Variants in HSPA4 observed in about 807,000 individuals in gnomAD.
HSPA4 encodes heat shock protein family A (Hsp70) member 4.
Under a neutral mutation model 106.2 loss-of-function variants are expected in HSPA4, and 25 were observed. The observed-to-expected ratio is 0.24, with a 90% CI of 0.17 to 0.33. The LOEUF is 0.33. Ranked by LOEUF, HSPA4 falls within the 10% of genes least tolerant of loss-of-function variation. The pLI is 1.00. For synonymous variants in HSPA4, 332 were observed against 333.6 expected (o/e 1.00, Z 0.05); for missense variants, 841 against 996.0 (o/e 0.84, Z 2.10).
In HSPA4 at chr5:133,065,010, T is replaced by G. The variant is rs1765290268; in HGVS notation, c.138T>G (p.Arg46=). 6.2e-7 allele frequency: 1 copy of G among 1,614,000 alleles called. No homozygotes were observed. Among genetic ancestry groups the G allele is most frequent in the Non-Finnish European group, 8.5e-7 (1 of 1,179,984 alleles). ...GCATTTCTTTTGGTCCTAAGAATCG[T>G]TCAATTGGAGCAGCAGCTAAAAGCC... ...PACISFGPKN[R]SIGAAAKSQV... The change falls in exon 2 of 19, where the codon CGT becomes CGG. Residue 46 remains arginine (R), a synonymous_variant. Transcript: ENST00000304858.
chr5:133,073,129 T>C, intron 4 of HSPA4, 101 bp from the exon 5 acceptor site: 2 of 673,420 alleles, frequency 3.0e-6, no homozygotes, highest in East Asian at 5.4e-5. Flanking sequence ...TTCTTGATCA[T>C]ATACAGAATA....
intron 16 of HSPA4, among the ~76,000 whole-genome samples, chr5:133,099,954 G>A (rs1278338447): frequency 6.6e-6 from 1 of 152,192 alleles, no homozygotes; most frequent in African/African-American, 2.4e-5. Flanking sequence ...AAAGGCACAG[G>A]GAATGCAGCT....
intron 15 of HSPA4, among the ~76,000 whole-genome samples, chr5:133,098,008 C>T (rs1383886906): frequency 1.3e-5 from 2 of 151,368 alleles, no homozygotes; most frequent in Non-Finnish European, 2.9e-5. Context: ...TTTTGGTGCA[C>T]CTGTCATCCA....
At position 133,081,151 on chromosome 5, in the gene HSPA4, G is replaced by T. The variant is rs1390177926; in HGVS notation, c.908+4253G>T. Reference sequence around the variant, plus strand: ...CAACCTCCACCTCCCGGGTTTAAATGATTCTCATGCCTCAGCCTCCTCAGT... The same window carrying T: ...CAACCTCCACCTCCCGGGTTTAAATTATTCTCATGCCTCAGCCTCCTCAGT... On this transcript the variant is annotated intron_variant, in intron 7 of 18. Transcript: ENST00000304858. Among the ~76,000 whole-genome samples the T allele has an allele frequency of 2.6e-5, 4 of 151,974 alleles. No homozygotes were observed. In the East Asian group the frequency reaches 7.7e-4, roughly 29 times the overall value.
rs367759655 is a variant in HSPA4, at chr5:133,103,854, C to T, written c.2158-11C>T. 333 of 1,610,022 alleles carry T rather than the reference C, an allele frequency of 2.1e-4. 2 individuals carry two copies. Among genetic ancestry groups the T allele is most frequent in the Middle Eastern group, 3.3e-4 (2 of 6,046 alleles). On this transcript the variant is annotated splice_polypyrimidine_tract_variant and intron_variant, in intron 17 of 18. Coordinates refer to ENST00000304858, the MANE Select transcript of HSPA4 (RefSeq NM_002154.4). ...ACTTTTAGCACTTGTTTGACTGTCT[C>T]CTGGTTGCAGGAGGACCAGTATGAT...
intron 7 of HSPA4, among the ~76,000 whole-genome samples, chr5:133,077,119 C>CA (rs1370167950): frequency 3.3e-5 from 5 of 152,144 alleles, no homozygotes; most frequent in African/African-American, 1.2e-4. Context: ...AATATTCCAA[C>CA]ATGTTGATAG....
intron 4 of HSPA4, among the ~76,000 whole-genome samples, chr5:133,071,792 G>A (rs1180436062): frequency 6.6e-6 from 1 of 152,146 alleles, no homozygotes; most frequent in East Asian, 1.9e-4. Context: ...AGAAAGAATT[G>A]GATTATAGTT....
At chr5:133,078,185 A>G (rs1765468530) in intron 7 of HSPA4, among the ~76,000 whole-genome samples, 1 of 151,960 alleles carries the variant, frequency 6.6e-6, no homozygotes, top group Non-Finnish European at 1.5e-5. Flanking sequence ...ACAAGAAATT[A>G]GCCGGGTATG....
rs1201059031 is a variant in HSPA4 at position 133,099,745 on chromosome 5, G to C, written c.2037+93G>C. 19 of 564,654 alleles carry C rather than the reference G, an allele frequency of 3.4e-5. No homozygotes were observed. In the East Asian group the frequency reaches 4.9e-4, roughly 15 times the overall value. The allele number at this position is 564,654 out of a possible 1,614,324, so 35.0% of individuals were successfully genotyped here. On this transcript the variant is annotated intron_variant, in intron 16 of 18. Transcript: ENST00000304858. ...TGGGAGGAATTCTCAAGTAAAGACA[G>C]ACTGAAAATGATGTTTGATGAACTA... is the stretch of plus-strand genomic sequence containing the variant.
At chr5:133,074,525 G>C (rs1765424493) in intron 6 of HSPA4, among the ~76,000 whole-genome samples, 1 of 152,142 alleles carries the variant, frequency 6.6e-6, no homozygotes, top group Non-Finnish European at 1.5e-5. Flanking sequence ...TGATCCACCT[G>C]CCTCGGCCTC....
intron 1 of HSPA4, among the ~76,000 whole-genome samples, chr5:133,062,669 T>C (rs559884833): frequency 1.6e-4 from 24 of 152,298 alleles, no homozygotes; most frequent in African/African-American, 5.8e-4. Context: ...CCTTTGCTTT[T>C]GAGGGGCTAC....
At chr5:133,058,348 C>A (rs1055742312) in intron 1 of HSPA4, among the ~76,000 whole-genome samples, 4 of 152,068 alleles carry the variant, frequency 2.6e-5, no homozygotes, top group Non-Finnish European at 5.9e-5. Flanking sequence ...GTACTACACT[C>A]CAAGCCTGGG....
At position 133,104,873 on chromosome 5, in the gene HSPA4, G is replaced by A. The variant is rs775599447; in HGVS notation, c.*437G>A. ...GCTCCCTGCCTGGTGTGGGGATGGG[G>A]TCCCCCTCTTTGTGAGGGCTGGAGC... On this transcript the variant is annotated 3_prime_UTR_variant, in exon 19 of 19. Transcript: ENST00000304858. The A allele has an allele frequency of 4.0e-5, 7 of 177,076 alleles. No individual in the cohort carries two copies. The South Asian group carries it at 8.2e-4, about 21-fold the overall frequency. The allele number at this position is 177,076 out of a possible 1,614,324, so 11.0% of individuals were successfully genotyped here.
intron 6 of HSPA4, 82 bp downstream of exon 6, chr5:133,074,208 T>C: frequency 1.1e-6 from 1 of 897,532 alleles, no homozygotes; most frequent in South Asian, 1.8e-5. Context: ...TTTTCTCATC[T>C]ACAATATGGG....
Position 133,073,975 on chromosome 5 carries a change from G to T in HSPA4, c.530-18G>T. The T allele has an allele frequency of 1.3e-6, 2 of 1,529,740 alleles. No individual in the cohort carries two copies. The highest frequency in any genetic ancestry group is 1.8e-6 in the Non-Finnish European group (2 of 1,140,990). 94.8% of individuals were successfully genotyped at this position (1,529,740 alleles called of 1,614,324 possible). A position where few individuals can be genotyped will look rare whatever the true frequency, so the allele number is the denominator to read the frequency against. ...TACTTAGACGTTATTTTTAATTTTT[G>T]TGTTTTTTCTTCTGTAGTTGCTCTT... On this transcript the variant is annotated intron_variant, in intron 5 of 18. Transcript: ENST00000304858.
intron 2 of HSPA4, among the ~76,000 whole-genome samples, chr5:133,066,016 A>C (rs964733864): frequency 1.3e-5 from 2 of 152,206 alleles, no homozygotes; most frequent in Non-Finnish European, 2.9e-5. Context: ...TGGATGTTTT[A>C]TAGTTCATTT....
intron 11 of HSPA4, 76 bp downstream of exon 11, chr5:133,089,771 T>A (rs572905065): frequency 1.4e-5 from 17 of 1,206,434 alleles, no homozygotes; most frequent in Non-Finnish European, 1.9e-5. Flanking sequence ...CCCAACACTT[T>A]GAAAGGCTAA....
intron 15 of HSPA4, among the ~76,000 whole-genome samples, chr5:133,097,850 G>C (rs546843585): frequency 6.6e-6 from 1 of 151,056 alleles, no homozygotes. Flanking sequence ...CGCCCAGCCT[G>C]TATTTTTCTT....
intron 1 of HSPA4, among the ~76,000 whole-genome samples, chr5:133,052,613 C>G (rs764225536): frequency 6.6e-6 from 1 of 152,246 alleles, no homozygotes; most frequent in Non-Finnish European, 1.5e-5. Flanking sequence ...GGCCGGTACT[C>G]GGACCAGCGG....
Sources: allele counts gnomAD v4.1 joint callset (sites outside exome capture counted in the v4.1 genomes callset), GRCh38; gene constraint gnomAD v4.1.1; transcripts MANE v1.5; gene names NCBI Gene and HGNC (gene_info 2026-07-23, HGNC 2026-07-21).